The following ANGPT1 variants were observed in gnomAD, a reference collection of about 807,000 sequenced individuals.
ANGPT1 encodes angiopoietin-1.
In ANGPT1, 17 loss-of-function variants were observed where a neutral mutation model predicts 62.2. The observed-to-expected ratio is 0.27, with a 90% CI of 0.19 to 0.41. ANGPT1 has a LOEUF of 0.41. ANGPT1 is among the 10% of genes least tolerant of loss of function. ANGPT1 has a pLI of 1.00. For missense variants in ANGPT1, 478 were observed against 594.9 expected (o/e 0.80, Z 2.04); for synonymous variants, 199 against 198.9 (o/e 1.00, Z 0.00).
At chr8:107,457,952 A>G (rs897075222) in intron 1 of ANGPT1, among the ~76,000 whole-genome samples, 1 of 151,928 alleles carries the variant, frequency 6.6e-6, no homozygotes, top group Non-Finnish European at 1.5e-5. Flanking sequence ...AAACTGTTCC[A>G]GTTCCTCCTC....
chr8:107,259,913 A>G (rs1813453560), intron 8 of ANGPT1, among the ~76,000 whole-genome samples: 1 of 152,062 alleles, frequency 6.6e-6, no homozygotes, highest in Non-Finnish European at 1.5e-5. Flanking sequence ...TTTTTCACAT[A>G]TTTATCTCCA....
chr8:107,351,886 G>T (rs1190923393), intron 1 of ANGPT1, among the ~76,000 whole-genome samples: 2 of 152,092 alleles, frequency 1.3e-5, no homozygotes, highest in East Asian at 1.9e-4. Flanking sequence ...CTCTACAAAG[G>T]CTAGATATGT....
chr8:107,344,969 A>G (rs894616820), intron 2 of ANGPT1, among the ~76,000 whole-genome samples: 9 of 152,226 alleles, frequency 5.9e-5, no homozygotes, highest in African/African-American at 2.2e-4. Context: ...CAATAGTTCA[A>G]ATAAGTAGCA....
chr8:107,380,012 A>C (rs781612397), intron 1 of ANGPT1, among the ~76,000 whole-genome samples: 1 of 152,180 alleles, frequency 6.6e-6, no homozygotes, highest in Non-Finnish European at 1.5e-5. Flanking sequence ...AAGCGCGCAC[A>C]CATGTTATAA....
At chr8:107,374,946 G>A (rs1208710008) in intron 1 of ANGPT1, among the ~76,000 whole-genome samples, 1 of 152,178 alleles carries the variant, frequency 6.6e-6, no homozygotes, top group Non-Finnish European at 1.5e-5. Flanking sequence ...CGGATCACGA[G>A]GTCAGGAGAT....
At chr8:107,338,936 G>T (rs1167215157) in intron 2 of ANGPT1, among the ~76,000 whole-genome samples, 1 of 152,180 alleles carries the variant, frequency 6.6e-6, no homozygotes, top group African/African-American at 2.4e-5. Context: ...GAGGTACATT[G>T]TCTCACTAAA....
intron 2 of ANGPT1, among the ~76,000 whole-genome samples, chr8:107,337,976 G>C (rs1815606291): frequency 6.6e-6 from 1 of 152,096 alleles, no homozygotes; most frequent in Admixed American, 6.5e-5. Flanking sequence ...TGTGCCTGTA[G>C]TCCCAGCTAC....
chr8:107,329,181 ACT>A (rs776014202), intron 3 of ANGPT1, among the ~76,000 whole-genome samples: 36 of 152,158 alleles, frequency 2.4e-4, no homozygotes, highest in Middle Eastern at 6.8e-3. Context: ...AAATATGCAC[ACT>A]CTATATATAC....
chr8:107,452,679 T>C (rs1021956820), intron 1 of ANGPT1, among the ~76,000 whole-genome samples: 4 of 151,914 alleles, frequency 2.6e-5, no homozygotes, highest in African/African-American at 7.2e-5. Flanking sequence ...TTTTAAAAAA[T>C]ACTTATATTT....
At chr8:107,340,203 G>C (rs1433908091) in intron 2 of ANGPT1, among the ~76,000 whole-genome samples, 3 of 151,906 alleles carry the variant, frequency 2.0e-5, no homozygotes, top group Non-Finnish European at 2.9e-5. Flanking sequence ...CATTCCAAAA[G>C]CACATCTTTG....
intron 1 of ANGPT1, among the ~76,000 whole-genome samples, chr8:107,446,969 G>T (rs942944444): frequency 1.3e-5 from 2 of 152,294 alleles, no homozygotes; most frequent in Admixed American, 6.5e-5. Flanking sequence ...CCCCATCTCA[G>T]TTGATGGCCA....
intron 1 of ANGPT1, among the ~76,000 whole-genome samples, chr8:107,442,523 A>G (rs1811508841): frequency 6.6e-6 from 1 of 152,174 alleles, no homozygotes; most frequent in Non-Finnish European, 1.5e-5. Context: ...GAGTAAGCAA[A>G]CCAAGTCCCT....
In ANGPT1 at chr8:107,303,280, A is replaced by C; in HGVS notation, c.896T>G (p.Ile299Ser). 4.4e-6 allele frequency: 7 copies of C among 1,607,298 alleles called. No homozygotes were observed. The highest frequency in any genetic ancestry group is 6.0e-6 in the Non-Finnish European group (7 of 1,175,236). Residue 299 changes from isoleucine (I) to serine (S), a missense_variant, in exon 5 of 9, where the codon ATC (isoleucine) becomes AGC (serine). This residue lies in a region of ANGPT1 where 343 missense variants were observed against 355.4 expected (regional missense o/e 0.97). Coordinates refer to ENST00000517746, the MANE Select transcript of ANGPT1 (RefSeq NM_001146.5). ...VYQAGFNKSG[I>S]YTIYINNMPE... ...CATATTATTAATATAAATAGTGTAGATTCCACTTTTATTAAAACCAGCTTG... is the reference window on the plus strand; with the variant it reads ...CATATTATTAATATAAATAGTGTAGCTTCCACTTTTATTAAAACCAGCTTG...
chr8:107,417,691 T>C (rs942590136), intron 1 of ANGPT1, among the ~76,000 whole-genome samples: 1 of 152,300 alleles, frequency 6.6e-6, no homozygotes, highest in South Asian at 2.1e-4. Flanking sequence ...TCTGTGGGAA[T>C]GAATTCTGGC....
chr8:107,366,156 G>A (rs1437160378), intron 1 of ANGPT1, among the ~76,000 whole-genome samples: 1 of 152,090 alleles, frequency 6.6e-6, no homozygotes, highest in Non-Finnish European at 1.5e-5. Context: ...GCCCAGTAAT[G>A]TGCTAAATAG....
intron 1 of ANGPT1, among the ~76,000 whole-genome samples, chr8:107,493,442 G>A (rs1006557070): frequency 6.7e-6 from 1 of 150,372 alleles, no homozygotes; most frequent in Admixed American, 6.7e-5. Context: ...GACTAGAGAA[G>A]TTTTTGAGAT....
intron 7 of ANGPT1, among the ~76,000 whole-genome samples, chr8:107,281,597 T>C (rs1814005587): frequency 6.6e-6 from 1 of 151,934 alleles, no homozygotes; most frequent in Admixed American, 6.6e-5. Flanking sequence ...GCTAACACGG[T>C]GAAACTCCGT....
chr8:107,349,369 A>G (rs1815884304), intron 1 of ANGPT1, among the ~76,000 whole-genome samples: 1 of 152,022 alleles, frequency 6.6e-6, no homozygotes, highest in African/African-American at 2.4e-5. Context: ...AACACTTACA[A>G]CCAAGATTTT....
chr8:107,391,495 C>T (rs997965485), intron 1 of ANGPT1, among the ~76,000 whole-genome samples: 5 of 152,162 alleles, frequency 3.3e-5, no homozygotes, highest in Admixed American at 2.0e-4. Flanking sequence ...GGTGAAACCC[C>T]GTCTATACTG....
Sources: allele counts gnomAD v4.1 joint callset (sites outside exome capture counted in the v4.1 genomes callset), GRCh38; gene constraint gnomAD v4.1.1; regional missense constraint gnomAD v4.1.1; transcripts MANE v1.5; gene names NCBI Gene and HGNC (gene_info 2026-07-23, HGNC 2026-07-21).